The following CDK14 variants were observed in gnomAD, a reference collection of about 807,000 sequenced individuals.
The protein encoded by CDK14 is cyclin-dependent kinase 14.
A neutral mutation model predicts 60.7 loss-of-function variants in CDK14; 34 were observed. That is an observed-to-expected ratio of 0.56 (90% CI 0.43 to 0.75). The LOEUF (loss-of-function observed/expected upper bound fraction) is 0.75, where lower values mean the gene tolerates loss of function less well. CDK14 is among the 30% of genes least tolerant of loss of function. The pLI is 0.00. For synonymous variants in CDK14, 197 were observed against 203.7 expected (o/e 0.97, Z 0.28); for missense variants, 482 against 564.1 (o/e 0.85, Z 1.47).
intron 2 of CDK14, among the ~76,000 whole-genome samples, chr7:90,712,639 A>C (rs1191541206): frequency 6.6e-6 from 1 of 152,090 alleles, no homozygotes; most frequent in Non-Finnish European, 1.5e-5. Context: ...AAATGCACTG[A>C]GAGGAAGAGT....
At position 91,036,548 on chromosome 7, in the gene CDK14, C is replaced by G. The variant is rs533768603; in HGVS notation, c.1042-9349C>G. Among the ~76,000 whole-genome samples, 5 of 152,238 alleles carry G rather than the reference C, an allele frequency of 3.3e-5. No individual in the cohort carries two copies. The East Asian group carries it at 9.7e-4, about 29-fold the overall frequency. ...CTCCATGTCTTCCACATCTGCCCCC[C>G]TTGAGATAGCAGGACCAAGCCCTCT... On this transcript the variant is annotated intron_variant, in intron 10 of 14. Transcript: ENST00000380050.
chr7:90,784,986 G>T (rs2188240), intron 4 of CDK14, among the ~76,000 whole-genome samples: 35 of 151,808 alleles, frequency 2.3e-4, no homozygotes, highest in Admixed American at 1.6e-3. Context: ...TATTGTCCTT[G>T]CCCTACTCCA....
chr7:91,064,695 G>T (rs375512536), intron 11 of CDK14, among the ~76,000 whole-genome samples: 1 of 152,124 alleles, frequency 6.6e-6, no homozygotes, highest in East Asian at 1.9e-4. Context: ...AAGTGGTTAG[G>T]CCACTTGGTT....
chr7:91,029,611 C>CT (rs1796698235), intron 10 of CDK14, among the ~76,000 whole-genome samples: 3 of 124,586 alleles, frequency 2.4e-5, no homozygotes, highest in African/African-American at 3.1e-5. Context: ...CTCCTCTCCT[C>CT]CGCTCCCCAC....
chr7:90,683,945 T>C (rs571362484), intron 2 of CDK14, among the ~76,000 whole-genome samples: 29 of 151,806 alleles, frequency 1.9e-4, no homozygotes, highest in Non-Finnish European at 3.7e-4. Context: ...TGCATTCATA[T>C]ATACATTCAC....
chr7:91,131,895 G>A (rs1399559587), intron 14 of CDK14, among the ~76,000 whole-genome samples: 1 of 152,004 alleles, frequency 6.6e-6, no homozygotes, highest in Non-Finnish European at 1.5e-5. Flanking sequence ...TCCTCGCATG[G>A]CACATAATCT....
At chr7:90,881,991 A>T (rs755765968) in intron 6 of CDK14, among the ~76,000 whole-genome samples, 24 of 152,198 alleles carry the variant, frequency 1.6e-4, no homozygotes, top group Admixed American at 3.9e-4. Context: ...ATACACCAAA[A>T]TATAAAGACC....
chr7:90,865,142 T>G (rs924914638), intron 6 of CDK14, among the ~76,000 whole-genome samples: 3 of 152,162 alleles, frequency 2.0e-5, no homozygotes, highest in Non-Finnish European at 4.4e-5. Flanking sequence ...TTTTCTAACA[T>G]TTTGCTTTTT....
chr7:91,093,863 A>G (rs948641972), intron 12 of CDK14, among the ~76,000 whole-genome samples: 6 of 152,170 alleles, frequency 3.9e-5, no homozygotes, highest in East Asian at 1.9e-4. Flanking sequence ...ATGAAATCAC[A>G]TCCTTTGCAG....
chr7:91,050,990 A>G (rs1797374855), intron 11 of CDK14, among the ~76,000 whole-genome samples: 1 of 152,220 alleles, frequency 6.6e-6, no homozygotes, highest in South Asian at 2.1e-4. Context: ...CTGAATGTGC[A>G]TCACAATTTC....
At chr7:90,660,579 G>A (rs1260240088) in intron 2 of CDK14, among the ~76,000 whole-genome samples, 1 of 152,150 alleles carries the variant, frequency 6.6e-6, no homozygotes, top group Non-Finnish European at 1.5e-5. Flanking sequence ...AGAATTTCTG[G>A]TGTCAAAATG....
At chr7:91,156,181 C>T (rs1490095925) in intron 14 of CDK14, among the ~76,000 whole-genome samples, 1 of 152,166 alleles carries the variant, frequency 6.6e-6, no homozygotes, top group Non-Finnish European at 1.5e-5. Context: ...TTCCCATCAC[C>T]TTTAAAGTAC....
intron 4 of CDK14, among the ~76,000 whole-genome samples, chr7:90,786,285 T>G (rs1326280837): frequency 6.6e-6 from 1 of 152,208 alleles, no homozygotes; most frequent in Non-Finnish European, 1.5e-5. Context: ...TTACCTGAAT[T>G]AACGTCTCCA....
chr7:90,876,887 A>G (rs7783246), intron 6 of CDK14, among the ~76,000 whole-genome samples: 147,779 of 152,342 alleles, frequency 0.97, 71,693 homozygotes, highest in East Asian at 1. Flanking sequence ...TTTATCAAAT[A>G]TGACAAGGCT....
At chr7:90,714,920 A>AT (rs1802192942) in intron 2 of CDK14, among the ~76,000 whole-genome samples, 1 of 152,060 alleles carries the variant, frequency 6.6e-6, no homozygotes, top group Non-Finnish European at 1.5e-5. Context: ...TCGGAGTAAG[A>AT]AGATAGTACA....
At chr7:90,862,050 A>T (rs1473630263) in intron 5 of CDK14, among the ~76,000 whole-genome samples, 1 of 152,212 alleles carries the variant, frequency 6.6e-6, no homozygotes, top group Non-Finnish European at 1.5e-5. Flanking sequence ...AAATGGACAA[A>T]AAATAAAATG....
chr7:90,637,598 A>T (rs1161295981), intron 2 of CDK14, among the ~76,000 whole-genome samples: 3 of 151,784 alleles, frequency 2.0e-5, no homozygotes, highest in Admixed American at 6.6e-5. Flanking sequence ...GTGCTGCAAA[A>T]AATGTATATT....
intron 14 of CDK14, among the ~76,000 whole-genome samples, chr7:91,164,356 G>A (rs187721734): frequency 2.6e-5 from 4 of 152,188 alleles, no homozygotes; most frequent in African/African-American, 4.8e-5. Flanking sequence ...AGTCCTGTAC[G>A]TGTTACTCAT....
chr7:91,203,809 C>G (rs1489183044), intron 14 of CDK14, among the ~76,000 whole-genome samples: 2 of 152,162 alleles, frequency 1.3e-5, no homozygotes, highest in Non-Finnish European at 2.9e-5. Flanking sequence ...TGCCTGTGGA[C>G]AAATGTGCTT....
Sources: gnomAD v4.1 joint callset for allele counts (sites outside exome capture counted in the v4.1 genomes callset) on GRCh38, gnomAD v4.1.1 for gene constraint, MANE v1.5 for transcripts, NCBI Gene and HGNC (gene_info 2026-07-23, HGNC 2026-07-21) for gene names.